RAB11FIP1: variants seen among roughly 807,000 people sequenced by gnomAD.
RAB11FIP1 encodes the protein RAB11 family interacting protein 1, also known as rab11 family-interacting protein 1.
In RAB11FIP1, 49 loss-of-function variants were observed where a neutral mutation model predicts 83.1. The observed-to-expected ratio is 0.59, with a 90% CI of 0.47 to 0.75. The LOEUF (loss-of-function observed/expected upper bound fraction) is 0.75. RAB11FIP1 is among the 30% of genes least tolerant of loss of function. The probability of loss-of-function intolerance (pLI) is 0.00; values close to 1 mark genes in which losing one functional copy is unlikely to be tolerated. For synonymous variants in RAB11FIP1, 670 were observed against 656.0 expected, an observed-to-expected ratio of 1.02 and a Z score of -0.33; for missense variants, 1,536 against 1,598.7, an observed-to-expected ratio of 0.96 and a Z score of 0.67.
intron 1 of RAB11FIP1, among the ~76,000 whole-genome samples, chr8:37,878,655 C>A: frequency 6.8e-6 from 1 of 148,010 alleles, no homozygotes; most frequent in Non-Finnish European, 1.5e-5. Flanking sequence ...TGGTCCCTGC[C>A]AGGGAGTAAA....
Position 37,875,151 on chromosome 8 carries a change from G to A in RAB11FIP1, c.986C>T (p.Pro329Leu). The A allele has an allele frequency of 6.2e-7, 1 of 1,614,160 alleles. No individual in the cohort carries two copies. The highest frequency in any genetic ancestry group is 1.1e-5 in the South Asian group (1 of 91,082). Residue 329 changes from proline (P) to leucine (L), a missense_variant, in exon 3 of 6, where the codon CCA (proline) becomes CTA (leucine). Transcript: ENST00000330843. ...ATCCTTGATCTCACCCTTGGCTTCT[G>A]GCTGCTCCAGGTAAACATGGTTCCC... Reference protein sequence around the residue: ...INGNHVYLEQPEAKGEIKDSS... With the variant: ...INGNHVYLEQLEAKGEIKDSS...
rs928413923 is a variant in RAB11FIP1 at position 37,864,347 on chromosome 8, GA to G, written c.3634-1235del. 1.3e-5 allele frequency among the ~76,000 whole-genome samples: 2 copies of G among 151,730 alleles called. 1 individual carries two copies. Among genetic ancestry groups the G allele is most frequent in the South Asian group, 4.2e-4 (2 of 4,812 alleles). On this transcript the variant is annotated intron_variant, in intron 5 of 5. Coordinates refer to ENST00000330843, the MANE Select transcript of RAB11FIP1 (RefSeq NM_001002814.3). The stretch of plus-strand genomic sequence containing the variant: ...ACATGCTGTGTAAGTCCCCAGTAAG[GA>G]AAAAAAAGTGACTTTTCCTGAAATC...
chr8:37,876,457 G>T (rs1424529920), intron 2 of RAB11FIP1, among the ~76,000 whole-genome samples: 1 of 151,678 alleles, frequency 6.6e-6, no homozygotes, highest in Non-Finnish European at 1.5e-5. Flanking sequence ...AATTAATCAG[G>T]TGTGATGATG....
chr8:37,886,406 A>C (rs1396334249), intron 1 of RAB11FIP1, among the ~76,000 whole-genome samples: 1 of 152,222 alleles, frequency 6.6e-6, no homozygotes, highest in African/African-American at 2.4e-5. Context: ...GGGACTGTTC[A>C]GGAAGTGAAT....
At chr8:37,875,817 GA>G (rs369776858) in intron 2 of RAB11FIP1, among the ~76,000 whole-genome samples, 149 of 147,664 alleles carry the variant, frequency 1.0e-3, no homozygotes, top group African/African-American at 3.5e-3. Context: ...TTAAAAAAAA[GA>G]AAAAAAAAAC....
chr8:37,898,651 C>CAAA lies in RAB11FIP1; in HGVS notation c.371+417_371+419dup, dbSNP rs746280491. On this transcript the variant is annotated intron_variant, in intron 1 of 5. Coordinates refer to ENST00000330843, the MANE Select transcript of RAB11FIP1 (RefSeq NM_001002814.3). Reference sequence around the variant, plus strand: ...CTGGCGACAGAGTGAGACTCAGTCTCAAAAAAAAAAAAAAAAAAATTAGCC... The same window carrying CAAA: ...CTGGCGACAGAGTGAGACTCAGTCTCAAAAAAAAAAAAAAAAAAAAAATTAGCC... Among the ~76,000 whole-genome samples, 563 of 91,472 alleles carry CAAA rather than the reference C, an allele frequency of 6.2e-3. 10 individuals carry two copies. Among genetic ancestry groups the CAAA allele is most frequent in the African/African-American group, 0.022 (527 of 23,796 alleles). 60.0% of individuals were successfully genotyped at this position (91,472 alleles called of 152,430 possible).
At chr8:37,882,961 C>T (rs1806756369) in intron 1 of RAB11FIP1, among the ~76,000 whole-genome samples, 1 of 152,098 alleles carries the variant, frequency 6.6e-6, no homozygotes, top group Admixed American at 6.6e-5. Flanking sequence ...TAAACGTCAC[C>T]AACTGTTCTT....
intron 3 of RAB11FIP1, among the ~76,000 whole-genome samples, chr8:37,873,776 C>G (rs965987994): frequency 6.6e-6 from 1 of 152,010 alleles, no homozygotes; most frequent in African/African-American, 2.4e-5. Context: ...TATTACAGGA[C>G]AAAATGCACC....
intron 4 of RAB11FIP1, 33 bp from the exon 5 acceptor site, chr8:37,870,561 T>C (rs1199801344): frequency 1.6e-6 from 2 of 1,235,906 alleles, no homozygotes; most frequent in Non-Finnish European, 2.4e-6. Context: ...CTTTAGACCC[T>C]CCGGTCATGG....
intron 1 of RAB11FIP1, among the ~76,000 whole-genome samples, chr8:37,879,929 C>A (rs1426449021): frequency 6.6e-6 from 1 of 151,852 alleles, no homozygotes; most frequent in Non-Finnish European, 1.5e-5. Flanking sequence ...TATATTTTAC[C>A]ACAATAAAAA....
Position 37,865,389 on chromosome 8 carries a change from G to A in RAB11FIP1, c.3634-2276C>T, listed in dbSNP as rs1028263733. Reference sequence around the variant, plus strand: ...GGCTGGAGTGCAGTGACACGATCTCGGCTCACTGCAACCTCTGCCTCCCAG... The same window carrying A: ...GGCTGGAGTGCAGTGACACGATCTCAGCTCACTGCAACCTCTGCCTCCCAG... On this transcript the variant is annotated intron_variant, in intron 5 of 5. Coordinates refer to ENST00000330843, the MANE Select transcript of RAB11FIP1 (RefSeq NM_001002814.3). Among the ~76,000 whole-genome samples, 14 of 149,938 alleles carry A rather than the reference G, an allele frequency of 9.3e-5. No homozygotes were observed. The South Asian group carries it at 2.1e-3, about 22-fold the overall frequency.
chr8:37,884,462 A>T (rs1228534391), intron 1 of RAB11FIP1, among the ~76,000 whole-genome samples: 1 of 152,060 alleles, frequency 6.6e-6, no homozygotes, highest in African/African-American at 2.4e-5. Flanking sequence ...TTCATAGCTC[A>T]CAGCAGCTTC....
In RAB11FIP1 at chr8:37,874,863, T is replaced by G. The variant is rs907371720; in HGVS notation, c.1274A>C (p.Glu425Ala). The stretch of plus-strand genomic sequence containing the variant: ...CCTCCTGCTCTCTGGCTTCTTGCTC[T>G]CCTTAGCTTCTTTTGTGGCCTCTGA... Reference protein sequence around the residue: ...ANSEATKEAKESKKPESRRSS... With the variant: ...ANSEATKEAKASKKPESRRSS... Residue 425 changes from glutamate (E) to alanine (A), a missense_variant, in exon 3 of 6, where the codon GAG becomes GCG. Physicochemically the swap from Glu to Ala is moderately radical, Grantham distance 107. Coordinates refer to ENST00000330843, the MANE Select transcript of RAB11FIP1 (RefSeq NM_001002814.3). 1.8e-5 allele frequency: 29 copies of G among 1,614,070 alleles called. No homozygotes were observed. The highest frequency in any genetic ancestry group is 2.5e-5 in the Non-Finnish European group (29 of 1,180,034).
intron 5 of RAB11FIP1, among the ~76,000 whole-genome samples, chr8:37,864,002 C>T (rs546504027): frequency 6.6e-5 from 10 of 152,356 alleles, no homozygotes; most frequent in Non-Finnish European, 1.3e-4. Flanking sequence ...ACTGTCTGCT[C>T]CTGCCAAAGC....
intron 1 of RAB11FIP1, among the ~76,000 whole-genome samples, chr8:37,896,124 A>G (rs1417683417): frequency 6.6e-6 from 1 of 152,070 alleles, no homozygotes; most frequent in Non-Finnish European, 1.5e-5. Flanking sequence ...AGCCTGACCA[A>G]CATGGTGAAA....
intron 1 of RAB11FIP1, among the ~76,000 whole-genome samples, chr8:37,879,484 T>C (rs1806692086): frequency 6.6e-6 from 1 of 152,178 alleles, no homozygotes; most frequent in South Asian, 2.1e-4. Context: ...TTGATGGGTA[T>C]AGAGCTTCAG....
intron 1 of RAB11FIP1, among the ~76,000 whole-genome samples, chr8:37,886,739 C>T (rs1032981419): frequency 1.3e-5 from 2 of 152,188 alleles, no homozygotes; most frequent in African/African-American, 4.8e-5. Context: ...ACACACTTAA[C>T]CTTTCTTAGA....
intron 2 of RAB11FIP1, among the ~76,000 whole-genome samples, chr8:37,875,825 A>G (rs528890860): frequency 6.6e-6 from 1 of 152,274 alleles, no homozygotes; most frequent in South Asian, 2.1e-4. Context: ...AAGAAAAAAA[A>G]AACTTGGAAG....
intron 1 of RAB11FIP1, among the ~76,000 whole-genome samples, chr8:37,882,527 G>A (rs1806750283): frequency 6.6e-6 from 1 of 152,174 alleles, no homozygotes; most frequent in South Asian, 2.1e-4. Context: ...TTTTTATCCT[G>A]TGTATGAATA....
Sources: gnomAD v4.1 joint callset for allele counts (sites outside exome capture counted in the v4.1 genomes callset) on GRCh38, gnomAD v4.1.1 for gene constraint, MANE v1.5 for transcripts, NCBI Gene and HGNC (gene_info 2026-07-23, HGNC 2026-07-21) for gene names.